The following DSCAM variants were observed in gnomAD, a reference collection of about 807,000 sequenced individuals.
DSCAM encodes DS cell adhesion molecule.
Under a neutral mutation model 217.7 loss-of-function variants are expected in DSCAM, and 47 were observed. That is an observed-to-expected ratio of 0.22 (90% CI 0.17 to 0.28). The LOEUF (loss-of-function observed/expected upper bound fraction) is 0.28. Among genes scored for constraint, DSCAM ranks in the 10% least tolerant of loss-of-function variants. The pLI, the probability that DSCAM is intolerant of heterozygous loss-of-function variation, is 1.00. For missense variants in DSCAM, 2,080 were observed against 2,618.3 expected (o/e 0.79, Z 4.49); for synonymous variants, 1,056 against 1,015.3 (o/e 1.04, Z -0.76).
chr21:40,766,906 G>A (rs547466180), intron 1 of DSCAM, among the ~76,000 whole-genome samples: 5 of 152,036 alleles, frequency 3.3e-5, no homozygotes, highest in East Asian at 1.9e-4. Context: ...GGCTGATCTC[G>A]AACTCCTGAC....
intron 3 of DSCAM, among the ~76,000 whole-genome samples, chr21:40,439,525 C>T (rs1440852242): frequency 6.6e-6 from 1 of 152,182 alleles, no homozygotes; most frequent in Admixed American, 6.5e-5. Flanking sequence ...GTATTCGGAA[C>T]CTCAGACAGA....
At chr21:40,564,732 T>C (rs1360728324) in intron 3 of DSCAM, among the ~76,000 whole-genome samples, 5 of 152,228 alleles carry the variant, frequency 3.3e-5, no homozygotes, top group African/African-American at 1.2e-4. Context: ...TGTGTCCTAT[T>C]CTGCCAGTCA....
chr21:40,487,089 C>G (rs1410629518), intron 3 of DSCAM, among the ~76,000 whole-genome samples: 2 of 152,112 alleles, frequency 1.3e-5, no homozygotes, highest in Non-Finnish European at 2.9e-5. Flanking sequence ...ATGTTTGAAG[C>G]AGGGTCTTTA....
intron 3 of DSCAM, among the ~76,000 whole-genome samples, chr21:40,375,484 T>A (rs917167423): frequency 6.6e-6 from 1 of 152,230 alleles, no homozygotes; most frequent in Admixed American, 6.5e-5. Flanking sequence ...TGAGCCCAGA[T>A]CTCTCCCTGG....
At chr21:40,019,308 A>G (rs1291347230) in intron 32 of DSCAM, among the ~76,000 whole-genome samples, 1 of 152,250 alleles carries the variant, frequency 6.6e-6, no homozygotes, top group Non-Finnish European at 1.5e-5. Flanking sequence ...CCTGTGTCAC[A>G]TGGGAGAAAC....
At chr21:40,509,339 C>T (rs560106080) in intron 3 of DSCAM, among the ~76,000 whole-genome samples, 24 of 152,318 alleles carry the variant, frequency 1.6e-4, no homozygotes, top group African/African-American at 5.8e-4. Context: ...ATCTTTCCTA[C>T]TCGTATATTG....
rs1028328907 is a variant in DSCAM, at chr21:40,323,546, C to T, written c.1784-11187G>A. Among the ~76,000 whole-genome samples the T allele has an allele frequency of 6.6e-5, 10 of 152,184 alleles. No individual in the cohort carries two copies. The South Asian group carries it at 8.3e-4, about 13-fold the overall frequency. ...GAATAAAAAAAGAAGCAAGGGAAAA[C>T]GTTTAAAAGGTGAATTTTAAAATTG... On this transcript the variant is annotated intron_variant, in intron 8 of 32. Coordinates refer to ENST00000400454, the MANE Select transcript of DSCAM (RefSeq NM_001389.5).
intron 3 of DSCAM, among the ~76,000 whole-genome samples, chr21:40,639,074 C>CT (rs780400474): frequency 2.2e-5 from 2 of 92,790 alleles, no homozygotes; most frequent in Admixed American, 2.7e-4. Context: ...AAATATCCTG[C>CT]ATTTTTTTTT....
rs541795232 is a variant in DSCAM, at chr21:40,529,588, T to A, written c.509-160343A>T. On this transcript the variant is annotated intron_variant, in intron 3 of 32. Transcript: ENST00000400454. ...CTTGTCAAAGGATATTGCACCATCA[T>A]GTCCCTCATATCAGCACCTGCCTGG... is the stretch of plus-strand genomic sequence containing the variant. Among the ~76,000 whole-genome samples the A allele has an allele frequency of 2.9e-4, 44 of 152,202 alleles. 1 individual carries two copies. In the South Asian group the frequency reaches 8.7e-3, roughly 30 times the overall value.
At chr21:40,845,604 C>G (rs1184818809) in intron 1 of DSCAM, among the ~76,000 whole-genome samples, 1 of 151,134 alleles carries the variant, frequency 6.6e-6, no homozygotes, top group Non-Finnish European at 1.5e-5. Context: ...TCTCCCTCCT[C>G]TCTTTCTCTC....
intron 3 of DSCAM, among the ~76,000 whole-genome samples, chr21:40,572,085 G>GGT (rs10553285): frequency 0.028 from 4,144 of 148,600 alleles, 86 homozygotes; most frequent in Middle Eastern, 0.063. Context: ...TGTGTGTGTG[G>GGT]GTGTGTGTGT....
At chr21:40,234,992 A>G (rs1363761813) in intron 11 of DSCAM, among the ~76,000 whole-genome samples, 2 of 152,146 alleles carry the variant, frequency 1.3e-5, no homozygotes, top group Non-Finnish European at 2.9e-5. Context: ...CACTATCACT[A>G]TCAGCTCTTC....
chr21:40,544,477 C>T (rs114281064), intron 3 of DSCAM, among the ~76,000 whole-genome samples: 2,186 of 152,148 alleles, frequency 0.014, 65 homozygotes, highest in African/African-American at 0.049. Context: ...TTAGTGTCTT[C>T]GTAAGAAGAG....
At chr21:40,140,546 C>T (rs985210439) in intron 18 of DSCAM, among the ~76,000 whole-genome samples, 1 of 152,152 alleles carries the variant, frequency 6.6e-6, no homozygotes, top group Non-Finnish European at 1.5e-5. Context: ...CTTAGCATAA[C>T]ACTGCCTTTC....
chr21:40,258,904 G>T (rs1302378249), intron 11 of DSCAM, among the ~76,000 whole-genome samples: 2 of 151,856 alleles, frequency 1.3e-5, no homozygotes, highest in Non-Finnish European at 2.9e-5. Context: ...GACACCTCAG[G>T]TTATAAACGA....
At chr21:40,067,202 C>A (rs192981297) in intron 27 of DSCAM, among the ~76,000 whole-genome samples, 1 of 152,234 alleles carries the variant, frequency 6.6e-6, no homozygotes, top group Admixed American at 6.5e-5. Context: ...ATATCACTAA[C>A]CCAGACAAAG....
At chr21:40,306,121 G>A (rs2123475262) in intron 9 of DSCAM, among the ~76,000 whole-genome samples, 1 of 151,718 alleles carries the variant, frequency 6.6e-6, no homozygotes, top group East Asian at 1.9e-4. Context: ...ATTTCATTGA[G>A]CAGCGGTTTG....
Position 40,431,612 on chromosome 21 carries a change from T to A in DSCAM, c.509-62367A>T, listed in dbSNP as rs370019429. On this transcript the variant is annotated intron_variant, in intron 3 of 32. Coordinates refer to ENST00000400454, the MANE Select transcript of DSCAM (RefSeq NM_001389.5). ...AGCATATTTTTTTATTCCTTATGATTTTCTGAATAATGTGTTCATTTCTCA... is the reference window on the plus strand; with the variant it reads ...AGCATATTTTTTTATTCCTTATGATATTCTGAATAATGTGTTCATTTCTCA... Among the ~76,000 whole-genome samples, 21 of 152,344 alleles carry A rather than the reference T, an allele frequency of 1.4e-4. No individual in the cohort carries two copies. In the South Asian group the frequency reaches 3.7e-3, roughly 27 times the overall value.
intron 3 of DSCAM, among the ~76,000 whole-genome samples, chr21:40,597,957 A>G (rs935739958): frequency 6.6e-6 from 1 of 152,142 alleles, no homozygotes; most frequent in Non-Finnish European, 1.5e-5. Flanking sequence ...CTGTTAACTA[A>G]AGGCCGCGAT....
Sources: gnomAD v4.1 joint callset for allele counts (sites outside exome capture counted in the v4.1 genomes callset) on GRCh38, gnomAD v4.1.1 for gene constraint, MANE v1.5 for transcripts, NCBI Gene and HGNC (gene_info 2026-07-23, HGNC 2026-07-21) for gene names.